Variants in COA1 observed in about 807,000 individuals in gnomAD.
COA1 encodes cytochrome c oxidase assembly factor 1 homolog.
Under a neutral mutation model 16.0 loss-of-function variants are expected in COA1, and 13 were observed. That is an observed-to-expected ratio of 0.81 (90% CI 0.53 to 1.29). The LOEUF (loss-of-function observed/expected upper bound fraction) is 1.29, where lower values mean the gene tolerates loss of function less well. Ranked by LOEUF, COA1 falls within the 50% of genes most tolerant of loss-of-function variation. COA1 has a pLI of 0.00. For synonymous variants in COA1, 65 were observed against 65.7 expected (o/e 0.99, Z 0.05); for missense variants, 179 against 177.0 (o/e 1.01, Z -0.06).
At chr7:43,703,091 C>T (rs1174896004) in intron 1 of COA1, among the ~76,000 whole-genome samples, 1 of 152,116 alleles carries the variant, frequency 6.6e-6, no homozygotes, top group Non-Finnish European at 1.5e-5. Context: ...TAATTTCATT[C>T]TTTACCCAAA....
At position 43,647,594 on chromosome 7, in the gene COA1, A is replaced by T; in HGVS notation, c.56T>A (p.Ile19Asn). Residue 19 changes from isoleucine to asparagine, a missense_variant, in exon 3 of 6, where the codon ATC (isoleucine) becomes AAC (asparagine). Transcript: ENST00000223336. ...GGCATAGAACACACCGTGGAAAAGG[A>T]TCCTTGCTCCCAGAGGCATTGACCG... ...SRRSMPLGAR[I>N]LFHGVFYAGG... 6.2e-7 allele frequency: 1 copy of T among 1,614,022 alleles called. No homozygotes were observed. Among genetic ancestry groups the T allele is most frequent in the Non-Finnish European group, 8.5e-7 (1 of 1,179,910 alleles).
intron 5 of COA1, 78 bp from the exon 6 acceptor site, chr7:43,639,759 A>G: frequency 8.9e-7 from 1 of 1,122,502 alleles, no homozygotes; most frequent in Non-Finnish European, 1.3e-6. Context: ...AGGGGCGCGG[A>G]AAGCAGTTGT....
chr7:43,616,248 A>G (rs763268867), intron 6 of COA1, among the ~76,000 whole-genome samples: 8 of 152,140 alleles, frequency 5.3e-5, no homozygotes, highest in Admixed American at 6.5e-5. Flanking sequence ...TCATGGTGCA[A>G]TTCACAGAAG....
intron 1 of COA1, among the ~76,000 whole-genome samples, chr7:43,686,084 T>C (rs2094007399): frequency 6.6e-6 from 1 of 152,230 alleles, no homozygotes; most frequent in Non-Finnish European, 1.5e-5. Flanking sequence ...TATTTGGAAA[T>C]ACTGGTTTAG....
intron 1 of COA1, among the ~76,000 whole-genome samples, chr7:43,681,976 T>C (rs986666319): frequency 1.3e-5 from 2 of 152,208 alleles, no homozygotes; most frequent in African/African-American, 4.8e-5. Flanking sequence ...GGAAATTTAG[T>C]CTCTGAATAG....
At chr7:43,640,546 C>T in intron 5 of COA1, 27 bp downstream of exon 5, 2 of 1,544,396 alleles carry the variant, frequency 1.3e-6, no homozygotes, top group Non-Finnish European at 1.8e-6. Context: ...CTCCCGCTCC[C>T]CCACTGCCGT....
intron 1 of COA1, among the ~76,000 whole-genome samples, chr7:43,707,013 T>C (rs2095013056): frequency 1.3e-5 from 2 of 152,054 alleles, no homozygotes; most frequent in African/African-American, 4.8e-5. Flanking sequence ...TTTCTAAAAA[T>C]ACAAAAATTA....
At chr7:43,646,891 G>T in intron 3 of COA1, 1 of 212,574 alleles carries the variant, frequency 4.7e-6, no homozygotes, top group Non-Finnish European at 1.0e-5. Flanking sequence ...TGGGGATAAA[G>T]GAGCCTAAAA....
Position 43,692,778 on chromosome 7 carries a change from C to A in COA1, c.-39+36651G>T, listed in dbSNP as rs117825694. On this transcript the variant is annotated intron_variant, in intron 1 of 5. Coordinates refer to ENST00000223336, the MANE Select transcript of COA1 (RefSeq NM_018224.4). Reference sequence around the variant, plus strand: ...TTCACAAGATAGGAAATCCAAAGATCCAAAGGACCAATAAACTTTGTAAAG... The same window carrying A: ...TTCACAAGATAGGAAATCCAAAGATACAAAGGACCAATAAACTTTGTAAAG... 6.7e-3 allele frequency among the ~76,000 whole-genome samples: 1,016 copies of A among 152,158 alleles called. 14 individuals are homozygous for A. The highest frequency in any genetic ancestry group is 8.6e-3 in the Non-Finnish European group (586 of 68,004).
At chr7:43,723,328 C>T (rs1464087520) in intron 1 of COA1, among the ~76,000 whole-genome samples, 2 of 152,070 alleles carry the variant, frequency 1.3e-5, no homozygotes, top group Non-Finnish European at 2.9e-5. Flanking sequence ...TTTGCAGTTC[C>T]AACAACAGGA....
chr7:43,643,715 C>T (rs1488833920), intron 4 of COA1, among the ~76,000 whole-genome samples: 1 of 152,220 alleles, frequency 6.6e-6, no homozygotes, highest in Non-Finnish European at 1.5e-5. Context: ...TTCATGCTCT[C>T]ACCACTGCAC....
intron 1 of COA1, among the ~76,000 whole-genome samples, chr7:43,680,914 T>C (rs780934463): frequency 1.1e-4 from 16 of 152,288 alleles, no homozygotes; most frequent in Non-Finnish European, 2.2e-4. Flanking sequence ...GAGGTTGCAG[T>C]GAGCAAAGAT....
At chr7:43,693,772 C>G (rs1384001414) in intron 1 of COA1, among the ~76,000 whole-genome samples, 1 of 152,066 alleles carries the variant, frequency 6.6e-6, no homozygotes, top group East Asian at 1.9e-4. Context: ...AACCCCAATC[C>G]TGGATAAATC....
chr7:43,622,989 A>G (rs1398135391), intron 6 of COA1: 1 of 152,392 alleles, frequency 6.6e-6, no homozygotes, highest in Non-Finnish European at 1.5e-5. Context: ...GCCTCAAAGC[A>G]TATTATTTTT....
rs182100383 is a variant in COA1, at chr7:43,689,608, T to C, written c.-39+39821A>G. 9.8e-5 allele frequency among the ~76,000 whole-genome samples: 15 copies of C among 152,322 alleles called. No homozygotes were observed. In the East Asian group the frequency reaches 2.7e-3, roughly 27 times the overall value. On this transcript the variant is annotated intron_variant, in intron 1 of 5. Transcript: ENST00000223336. ...ATTCACTGAAAGCAGACTTGTACTA[T>C]GAGAAATGTGGATAAATGTTAAAAG...
intron 1 of COA1, among the ~76,000 whole-genome samples, chr7:43,708,468 A>C (rs1021309314): frequency 5.9e-4 from 90 of 152,252 alleles, no homozygotes; most frequent in Non-Finnish European, 1.0e-3. Context: ...CTAAAAAAAA[A>C]AAAAAATTCC....
chr7:43,612,069 A>G (rs1336711291), intron 6 of COA1, among the ~76,000 whole-genome samples: 1 of 152,210 alleles, frequency 6.6e-6, no homozygotes, highest in Non-Finnish European at 1.5e-5. Flanking sequence ...TATATTCAGT[A>G]TCAATCATAT....
intron 1 of COA1, among the ~76,000 whole-genome samples, chr7:43,703,632 G>C (rs527266296): frequency 6.6e-6 from 1 of 151,944 alleles, no homozygotes; most frequent in Non-Finnish European, 1.5e-5. Context: ...GTTTAAAGTC[G>C]GTTTTGTCTG....
chr7:43,609,965 A>T (rs1583570879), intron 6 of COA1, among the ~76,000 whole-genome samples: 1 of 152,210 alleles, frequency 6.6e-6, no homozygotes, highest in East Asian at 1.9e-4. Flanking sequence ...TGTTAATACA[A>T]ATTGCTAGGC....
Sources: allele counts gnomAD v4.1 joint callset (sites outside exome capture counted in the v4.1 genomes callset), GRCh38; gene constraint gnomAD v4.1.1; transcripts MANE v1.5; gene names NCBI Gene and HGNC (gene_info 2026-07-23, HGNC 2026-07-21).